Variants in NFIA observed in about 807,000 individuals in gnomAD.
NFIA encodes the protein nuclear factor I A.
Under a neutral mutation model 62.8 loss-of-function variants are expected in NFIA, and 8 were observed. The observed-to-expected ratio is 0.13, with a 90% confidence interval of 0.07 to 0.23. NFIA has a LOEUF of 0.23. Among genes scored for constraint, NFIA ranks in the 10% least tolerant of loss-of-function variants. The probability of loss-of-function intolerance (pLI) is 1.00; values close to 1 mark genes in which losing one functional copy is unlikely to be tolerated. For missense variants in NFIA, 410 were observed against 642.1 expected, an observed-to-expected ratio of 0.64 and a Z score of 3.91; for synonymous variants, 235 against 238.1, an observed-to-expected ratio of 0.99 and a Z score of 0.12.
At chr1:61,449,539 T>C (rs977980083) in intron 10 of NFIA, among the ~76,000 whole-genome samples, 2 of 152,136 alleles carry the variant, frequency 1.3e-5, no homozygotes, top group South Asian at 4.1e-4. Context: ...CAAGGACTAG[T>C]AAGCATTAGC....
chr1:61,155,650 G>A (rs535550540), intron 2 of NFIA, among the ~76,000 whole-genome samples: 13 of 146,316 alleles, frequency 8.9e-5, no homozygotes, highest in South Asian at 4.5e-4. Context: ...TCCGCAGTCC[G>A]GCCTGGGCGA....
At chr1:61,151,649 G>A (rs1054073907) in intron 2 of NFIA, among the ~76,000 whole-genome samples, 1 of 152,118 alleles carries the variant, frequency 6.6e-6, no homozygotes, top group Admixed American at 6.5e-5. Flanking sequence ...AACAGCCCTG[G>A]AACTCAGAGC....
At chr1:61,244,370 C>T (rs1477157644) in intron 2 of NFIA, among the ~76,000 whole-genome samples, 2 of 152,172 alleles carry the variant, frequency 1.3e-5, no homozygotes, top group African/African-American at 4.8e-5. Context: ...TGTCCTTCTG[C>T]CAAGGCCTTA....
chr1:61,339,414 A>G (rs1187422560), intron 4 of NFIA, among the ~76,000 whole-genome samples: 2 of 152,180 alleles, frequency 1.3e-5, no homozygotes, highest in East Asian at 3.8e-4. Flanking sequence ...TATTTTGCCT[A>G]TCTGAACCAC....
upstream of NFIA, among the ~76,000 whole-genome samples, chr1:61,078,000 T>G (rs1255072702): frequency 6.6e-6 from 1 of 152,084 alleles, no homozygotes; most frequent in Non-Finnish European, 1.5e-5. Flanking sequence ...GCAGTCAACC[T>G]AACCCGAAAA....
chr1:61,378,607 A>G (rs79767394), intron 6 of NFIA, among the ~76,000 whole-genome samples: 7,134 of 152,304 alleles, frequency 0.047, 233 homozygotes, highest in South Asian at 0.14. Flanking sequence ...GAAGCAACAC[A>G]CAGTTATTAA....
chr1:61,189,471 C>A (rs1391486773), intron 2 of NFIA, among the ~76,000 whole-genome samples: 3 of 152,066 alleles, frequency 2.0e-5, no homozygotes, highest in African/African-American at 7.2e-5. Context: ...TCGAGACTAT[C>A]CTGGCCAACA....
intron 2 of NFIA, among the ~76,000 whole-genome samples, chr1:61,130,492 C>T (rs187675677): frequency 3.9e-5 from 6 of 152,266 alleles, no homozygotes; most frequent in East Asian, 1.9e-4. Context: ...TTTAGGAAAA[C>T]GATGGAATTA....
chr1:61,191,909 C>T (rs1651653367), intron 2 of NFIA, among the ~76,000 whole-genome samples: 1 of 152,144 alleles, frequency 6.6e-6, no homozygotes, highest in Admixed American at 6.5e-5. Context: ...CTTTTCAAAC[C>T]CGTGACTTAA....
intron 2 of NFIA, among the ~76,000 whole-genome samples, chr1:61,175,522 C>G (rs1038037611): frequency 1.1e-4 from 17 of 152,286 alleles, no homozygotes; most frequent in African/African-American, 4.1e-4. Flanking sequence ...TTGTCATTTT[C>G]TACCATTGTA....
intron 2 of NFIA, among the ~76,000 whole-genome samples, chr1:61,246,340 C>T (rs1291203741): frequency 6.6e-6 from 1 of 152,088 alleles, no homozygotes; most frequent in African/African-American, 2.4e-5. Flanking sequence ...ATATGTTCAT[C>T]AACGTTATTT....
intron 2 of NFIA, among the ~76,000 whole-genome samples, chr1:61,226,884 G>A (rs933875954): frequency 5.3e-5 from 8 of 152,130 alleles, no homozygotes; most frequent in Non-Finnish European, 7.4e-5. Context: ...ATGCCATTCC[G>A]ACCAGCCAGC....
chr1:61,268,703 A>G (rs1327314157), intron 2 of NFIA, among the ~76,000 whole-genome samples: 1 of 152,210 alleles, frequency 6.6e-6, no homozygotes, highest in Non-Finnish European at 1.5e-5. Context: ...TAAATTAGAT[A>G]TCTAAGCACA....
intron 7 of NFIA, among the ~76,000 whole-genome samples, chr1:61,383,901 G>C (rs1224093067): frequency 2.6e-5 from 4 of 152,188 alleles, no homozygotes; most frequent in African/African-American, 4.8e-5. Context: ...CACTCCTTTT[G>C]AAGTGGTAGA....
chr1:61,142,862 G>C lies in NFIA; in HGVS notation c.559+54182G>C, dbSNP rs190345184. On this transcript the variant is annotated intron_variant, in intron 2 of 10. Coordinates refer to ENST00000403491, the MANE Select transcript of NFIA (RefSeq NM_001134673.4). ...TGCCAAGAACTTAAGAGAGAGCCGG[G>C]GATGGACCCTCCTTGCTGTGGCTCC... is the stretch of plus-strand genomic sequence containing the variant. 8.9e-3 allele frequency among the ~76,000 whole-genome samples: 1,353 copies of C among 152,240 alleles called. 19 individuals carry two copies. Among genetic ancestry groups the C allele is most frequent in the African/African-American group, 0.03 (1,264 of 41,552 alleles).
At chr1:61,272,868 T>C (rs1308390291) in intron 2 of NFIA, among the ~76,000 whole-genome samples, 1 of 152,228 alleles carries the variant, frequency 6.6e-6, no homozygotes, top group Non-Finnish European at 1.5e-5. Context: ...TTTTTGGGTT[T>C]GGATGCCTTC....
intron 3 of NFIA, among the ~76,000 whole-genome samples, chr1:61,291,067 A>AT (rs1658850329): frequency 6.6e-6 from 1 of 152,216 alleles, no homozygotes; most frequent in Non-Finnish European, 1.5e-5. Context: ...CTTAATGGTA[A>AT]GAAGATACAG....
At chr1:61,243,624 AATCATTT>A (rs1276783328) in intron 2 of NFIA, among the ~76,000 whole-genome samples, 2 of 152,162 alleles carry the variant, frequency 1.3e-5, no homozygotes, top group African/African-American at 4.8e-5. Flanking sequence ...GCAAAAATTA[AATCATTT>A]TAAAATATGT....
intron 3 of NFIA, among the ~76,000 whole-genome samples, chr1:61,290,661 G>A (rs1027804883): frequency 6.6e-6 from 1 of 152,220 alleles, no homozygotes; most frequent in African/African-American, 2.4e-5. Context: ...TGTTGTCCGA[G>A]CTTGAGCCAG....
Sources: gnomAD v4.1 joint callset for allele counts (sites outside exome capture counted in the v4.1 genomes callset) on GRCh38, gnomAD v4.1.1 for gene constraint, MANE v1.5 for transcripts, NCBI Gene and HGNC (gene_info 2026-07-23, HGNC 2026-07-21) for gene names.